Variants in PCDH15 observed in about 807,000 individuals in gnomAD.
The protein encoded by PCDH15 is protocadherin-15.
Under a neutral mutation model 178.5 loss-of-function variants are expected in PCDH15, and 129 were observed. The observed-to-expected ratio is 0.72, with a 90% CI of 0.63 to 0.84. The LOEUF (loss-of-function observed/expected upper bound fraction) is 0.84. Among genes scored for constraint, PCDH15 ranks in the 40% least tolerant of loss-of-function variants. PCDH15 has a pLI of 0.00. For synonymous variants in PCDH15, 800 were observed against 732.0 expected (o/e 1.09, Z -1.50); for missense variants, 2,230 against 2,099.9 (o/e 1.06, Z -1.21).
At chr10:54,569,553 T>C (rs547041971) in intron 2 of PCDH15, among the ~76,000 whole-genome samples, 2 of 152,256 alleles carry the variant, frequency 1.3e-5, no homozygotes, top group South Asian at 4.1e-4. Flanking sequence ...TTAAGGAAGT[T>C]GGTGTTGGGA....
intron 2 of PCDH15, among the ~76,000 whole-genome samples, chr10:55,025,085 C>G (rs1014710170): frequency 6.6e-6 from 1 of 152,090 alleles, no homozygotes; most frequent in African/African-American, 2.4e-5. Context: ...TCTCTAATAC[C>G]TTTTAATGTC....
chr10:55,582,628 A>ATATATATTTTTT (rs780312007), intron 2 of PCDH15, among the ~76,000 whole-genome samples: 2 of 69,040 alleles, frequency 2.9e-5, no homozygotes, highest in African/African-American at 1.3e-4. Flanking sequence ...ATATATATAT[A>ATATATATTTTTT]TTTTTTTTTT....
upstream of PCDH15, among the ~76,000 whole-genome samples, chr10:54,805,788 T>G (rs1952769223): frequency 6.6e-6 from 1 of 152,148 alleles, no homozygotes; most frequent in South Asian, 2.1e-4. Context: ...AATAACTAAT[T>G]TCATAAAATT....
chr10:55,485,810 A>G (rs74618526), intron 2 of PCDH15, among the ~76,000 whole-genome samples: 2,564 of 151,846 alleles, frequency 0.017, 69 homozygotes, highest in African/African-American at 0.058. Context: ...AGGAAACTAT[A>G]TCAGTATATT....
At chr10:55,146,745 A>G (rs1838523796) in intron 2 of PCDH15, among the ~76,000 whole-genome samples, 1 of 151,924 alleles carries the variant, frequency 6.6e-6, no homozygotes, top group South Asian at 2.1e-4. Context: ...TTTTGACAAA[A>G]TTTACATTGT....
intron 2 of PCDH15, among the ~76,000 whole-genome samples, chr10:54,963,697 T>C (rs1219528): frequency 0.96 from 146,899 of 152,328 alleles, 70,882 homozygotes; most frequent in East Asian, 1. Context: ...GAACTCCCCT[T>C]TTCAACTTAA....
chr10:53,969,889 C>G (rs559356269), intron 21 of PCDH15, among the ~76,000 whole-genome samples: 1 of 152,170 alleles, frequency 6.6e-6, no homozygotes, highest in African/African-American at 2.4e-5. Context: ...CAACCAGTAC[C>G]AGCCACTGCA....
chr10:55,388,436 A>G (rs1393403929), intron 2 of PCDH15, among the ~76,000 whole-genome samples: 1 of 152,002 alleles, frequency 6.6e-6, no homozygotes, highest in African/African-American at 2.4e-5. Context: ...CCCCAAGGCA[A>G]CTGATGGTTT....
intron 2 of PCDH15, among the ~76,000 whole-genome samples, chr10:55,610,080 A>T (rs1313628819): frequency 3.3e-5 from 5 of 152,020 alleles, no homozygotes; most frequent in Non-Finnish European, 5.9e-5. Context: ...ACCAAGCACA[A>T]CAACAACAAC....
At chr10:55,263,161 C>T (rs776046752) in intron 1 of PCDH15, among the ~76,000 whole-genome samples, 9 of 151,826 alleles carry the variant, frequency 5.9e-5, no homozygotes, top group Non-Finnish European at 1.3e-4. Flanking sequence ...TGGCACTTCT[C>T]TCTTTTTCCT....
In PCDH15 at chr10:54,286,309, C is replaced by T. The variant is rs541728321; in HGVS notation, c.876+30962G>A. The stretch of plus-strand genomic sequence containing the variant: ...AGATGTAGGAAACATCACACTATAC[C>T]CCATAAATATGCATAATTATTATGT... On this transcript the variant is annotated intron_variant, in intron 8 of 37. Coordinates refer to ENST00000644397, the MANE Select transcript of PCDH15 (RefSeq NM_001384140.1). 2.6e-5 allele frequency among the ~76,000 whole-genome samples: 4 copies of T among 151,988 alleles called. No homozygotes were observed. The East Asian group carries it at 7.7e-4, about 29-fold the overall frequency.
At chr10:55,119,889 C>T (rs1432095908) in intron 2 of PCDH15, among the ~76,000 whole-genome samples, 1 of 151,994 alleles carries the variant, frequency 6.6e-6, no homozygotes, top group Non-Finnish European at 1.5e-5. Context: ...ATGTGTGTGG[C>T]TTTGTTAGCT....
chr10:54,378,641 A>G (rs1307730633), intron 4 of PCDH15, 141 bp downstream of exon 4: 2 of 908,572 alleles, frequency 2.2e-6, no homozygotes, highest in African/African-American at 1.7e-5. Flanking sequence ...TCTTCTTTAA[A>G]TGAGTTAAAG....
chr10:55,155,938 T>C (rs1025174914), intron 2 of PCDH15, among the ~76,000 whole-genome samples: 2 of 152,160 alleles, frequency 1.3e-5, no homozygotes, highest in African/African-American at 4.8e-5. Context: ...TCCATTTACA[T>C]GATTCAGCAG....
intron 2 of PCDH15, among the ~76,000 whole-genome samples, chr10:55,583,773 G>T (rs1842669961): frequency 1.3e-5 from 2 of 151,980 alleles, no homozygotes; most frequent in South Asian, 2.1e-4. Context: ...CACAATATCG[G>T]TTACATAAAT....
intron 18 of PCDH15, among the ~76,000 whole-genome samples, chr10:54,041,434 G>C (rs1392003855): frequency 1.3e-5 from 2 of 151,996 alleles, no homozygotes; most frequent in Non-Finnish European, 2.9e-5. Context: ...CTAAGGACAA[G>C]AGTAATGTGT....
intron 13 of PCDH15, among the ~76,000 whole-genome samples, chr10:54,175,009 G>GA (rs1437462961): frequency 6.6e-6 from 1 of 151,774 alleles, no homozygotes. Context: ...GTGGTCTTTA[G>GA]AAAAAAATAA....
At chr10:55,588,086 T>G (rs1842763545) in intron 2 of PCDH15, among the ~76,000 whole-genome samples, 1 of 152,182 alleles carries the variant, frequency 6.6e-6, no homozygotes, top group African/African-American at 2.4e-5. Context: ...TTGGATCCTC[T>G]ATTTTAAAGC....
At chr10:53,892,170 G>A (rs1044356612) in intron 26 of PCDH15, among the ~76,000 whole-genome samples, 5 of 151,672 alleles carry the variant, frequency 3.3e-5, no homozygotes, top group Admixed American at 6.6e-5. Flanking sequence ...GATTACAGGC[G>A]CCTGCCACTG....
Sources: gnomAD v4.1 joint callset for allele counts (sites outside exome capture counted in the v4.1 genomes callset) on GRCh38, gnomAD v4.1.1 for gene constraint, MANE v1.5 for transcripts, NCBI Gene and HGNC (gene_info 2026-07-23, HGNC 2026-07-21) for gene names.